Variants in ZNF587 observed in about 807,000 individuals in gnomAD.
ZNF587 encodes the protein zinc finger protein 587.
A neutral mutation model predicts 7.5 loss-of-function variants in ZNF587; 8 were observed. The observed-to-expected ratio is 1.06, with a 90% CI of 0.62 to 1.92. The LOEUF is 1.92. ZNF587 is among the 40% of genes most tolerant of loss of function. The pLI, the probability that ZNF587 is intolerant of heterozygous loss-of-function variation, is 0.00. For missense variants in ZNF587, 468 were observed against 692.8 expected, an observed-to-expected ratio of 0.68 and a Z score of 3.64; for synonymous variants, 145 against 237.8, an observed-to-expected ratio of 0.61 and a Z score of 3.59.
At chr19:57,856,327 G>A in intron 2 of ZNF587, 94 bp downstream of exon 2, 2 of 1,511,450 alleles carry the variant, frequency 1.3e-6, no homozygotes, top group Non-Finnish European at 8.8e-7. Context: ...TAAGGAGCCT[G>A]GACACAGGTT....
chr19:57,858,654 C>T lies in ZNF587; in HGVS notation c.242C>T (p.Thr81Ile). 6.4e-7 allele frequency: 1 copy of T among 1,561,094 alleles called. No individual in the cohort carries two copies. The highest frequency in any genetic ancestry group is 2.2e-5 in the East Asian group (1 of 44,450). ...GTACAAAGAGAGTCTCAGAGCAGGACTCCTAGGGCAGGTGTTTCTCCTAAG... is the reference window on the plus strand; with the variant it reads ...GTACAAAGAGAGTCTCAGAGCAGGATTCCTAGGGCAGGTGTTTCTCCTAAG... ...ISVQRESQSR[T>I]PRAGVSPKKA... is the part of the protein sequence containing the mutation. The change falls in exon 3 of 3, where the codon ACT becomes ATT. Residue 81 changes from threonine to isoleucine, a missense_variant. This residue lies in a region of ZNF587 where 23 missense variants were observed against 66.2 expected (regional missense o/e 0.35). Transcript: ENST00000339656.
rs117355226 is a variant in ZNF587 at position 57,853,273 on chromosome 19, A to G, written c.34-2831A>G. On this transcript the variant is annotated intron_variant, in intron 1 of 2. Transcript: ENST00000339656. ...CTGCTTCAGCTGAGATGACGTTGGT[A>G]TTGACATAATATTCACTGTGGATAT... 8.5e-4 allele frequency among the ~76,000 whole-genome samples: 129 copies of G among 152,320 alleles called. 2 individuals carry two copies. The East Asian group carries it at 0.025, about 29-fold the overall frequency.
chr19:57,858,986 G>T lies in ZNF587; in HGVS notation c.574G>T (p.Val192Leu). 1 of 1,612,712 alleles carries T rather than the reference G, an allele frequency of 6.2e-7. No homozygotes were observed. The highest frequency in any genetic ancestry group is 8.5e-7 in the Non-Finnish European group (1 of 1,179,606). ...SSGLCQEEAAVEKTDSETMHG... is the reference protein window; with the variant it reads ...SSGLCQEEAALEKTDSETMHG... ...AGGATTGTGCCAAGAAGAAGCTGCT[G>T]TAGAGAAGACAGACAGTGAAACTAT... Residue 192 changes from valine (V) to leucine (L), a missense_variant, in exon 3 of 3, where the codon GTA becomes TTA. Physicochemically the swap from Val to Leu is conservative, Grantham distance 32 (BLOSUM62 1). This residue lies in a region of ZNF587 where 23 missense variants were observed against 166.4 expected (regional missense o/e 0.14). Transcript: ENST00000339656.
intron 1 of ZNF587, among the ~76,000 whole-genome samples, chr19:57,853,137 G>C (rs1234784110): frequency 1.6e-4 from 24 of 152,188 alleles, no homozygotes; most frequent in Non-Finnish European, 3.2e-4. Context: ...ATAGGCACGA[G>C]CCACCATGCC....
chr19:57,854,581 C>G (rs1261359724), intron 1 of ZNF587, among the ~76,000 whole-genome samples: 1 of 151,366 alleles, frequency 6.6e-6, no homozygotes, highest in Non-Finnish European at 1.5e-5. Flanking sequence ...ATAATGTATC[C>G]TAGCCTAACA....
chr19:57,855,547 G>T (rs901207982), intron 1 of ZNF587, among the ~76,000 whole-genome samples: 1 of 151,352 alleles, frequency 6.6e-6, no homozygotes, highest in Non-Finnish European at 1.5e-5. Flanking sequence ...TGTTCAGAAG[G>T]GGGTGTGGGC....
intron 2 of ZNF587, chr19:57,858,122 C>CTTTTTTTTT (rs572536483): frequency 3.2e-5 from 4 of 123,510 alleles, no homozygotes; most frequent in African/African-American, 1.3e-4. Flanking sequence ...GAAGCCCCAT[C>CTTTTTTTTT]TTTTTTTTTT....
chr19:57,850,251 C>G (rs2071264375), intron 1 of ZNF587, 180 bp downstream of exon 1: 3 of 1,051,902 alleles, frequency 2.9e-6, no homozygotes, highest in Non-Finnish European at 2.8e-6. Context: ...GCTGCCTAGA[C>G]AGAGCCGATT....
rs2122378259 is a variant in ZNF587 at position 57,863,898 on chromosome 19, T to G, written c.*3758T>G. ...TCTCTACTAAAAATACAAAAATTAG[T>G]CGGGCATGGTGGCGGGTGCCTGTAG... On this transcript the variant is annotated 3_prime_UTR_variant, in exon 3 of 3. Transcript: ENST00000339656. The G allele has an allele frequency of 6.6e-6, 1 of 151,080 alleles. No homozygotes were observed. Among genetic ancestry groups the G allele is most frequent in the African/African-American group, 2.4e-5 (1 of 41,256 alleles). 9.4% of individuals were successfully genotyped at this position (151,080 alleles called of 1,614,324 possible).
Position 57,860,849 on chromosome 19 carries a change from TGATA to T in ZNF587, c.*713_*716del, listed in dbSNP as rs1045476234. On this transcript the variant is annotated 3_prime_UTR_variant, in exon 3 of 3. Transcript: ENST00000339656. ...GGTGGTGTGCAGTGCCTGAGTCACG[TGATA>T]GATTAAAGTACAACTCTTTTTTGAG... is the stretch of plus-strand genomic sequence containing the variant. 1 of 152,168 alleles carries T rather than the reference TGATA, an allele frequency of 6.6e-6. No homozygotes were observed. The highest frequency in any genetic ancestry group is 2.4e-5 in the African/African-American group (1 of 41,416). 9.4% of individuals were successfully genotyped at this position (152,168 alleles called of 1,614,324 possible).
intron 1 of ZNF587, chr19:57,855,896 G>GT: frequency 2.4e-6 from 2 of 839,802 alleles, no homozygotes; most frequent in South Asian, 1.9e-5. Context: ...CAGGACCTCA[G>GT]CATGGATACC....
At chr19:57,855,784 A>G (rs986045310) in intron 1 of ZNF587, among the ~76,000 whole-genome samples, 3 of 152,166 alleles carry the variant, frequency 2.0e-5, no homozygotes, top group African/African-American at 7.2e-5. Context: ...CATAGTCTCT[A>G]TCCCCTGACT....
chr19:57,862,187 A>AGATGC lies in ZNF587; in HGVS notation c.*2048_*2052dup, dbSNP rs932260566. 6 of 152,348 alleles carry AGATGC rather than the reference A, an allele frequency of 3.9e-5. No homozygotes were observed. Among genetic ancestry groups the AGATGC allele is most frequent in the Non-Finnish European group, 7.3e-5 (5 of 68,032 alleles). The allele number at this position is 152,348 out of a possible 1,614,324, so 9.4% of individuals were successfully genotyped here. On this transcript the variant is annotated 3_prime_UTR_variant, in exon 3 of 3. Transcript: ENST00000339656. ...AGATTGCCAGGCAGTGAAACAGTTA[A>AGATGC]GATGCCACCATAGCTTTCTTTTCAA... is the stretch of plus-strand genomic sequence containing the variant.
intron 1 of ZNF587, chr19:57,850,594 T>C (rs960104264): frequency 9.9e-6 from 4 of 402,200 alleles, no homozygotes; most frequent in South Asian, 2.4e-4. Context: ...ATCTTAGATA[T>C]TGGGGAAACC....
chr19:57,855,052 T>C (rs549517290), intron 1 of ZNF587, among the ~76,000 whole-genome samples: 9 of 150,862 alleles, frequency 6.0e-5, no homozygotes, highest in South Asian at 2.1e-4. Flanking sequence ...GCTGTGGTGG[T>C]GGGCACCTGT....
intron 2 of ZNF587, chr19:57,856,928 CTTCA>C (rs1223676564): frequency 6.6e-6 from 1 of 151,974 alleles, no homozygotes; most frequent in East Asian, 1.9e-4. Flanking sequence ...CAAGAATTGC[CTTCA>C]TTGACATTGT....
chr19:57,850,181 AAC>A (rs2071263074), intron 1 of ZNF587, 110 bp downstream of exon 1: 3 of 1,600,460 alleles, frequency 1.9e-6, no homozygotes, highest in Non-Finnish European at 2.6e-6. Flanking sequence ...CCGGCGTAGG[AAC>A]ACTGAGGCGC....
rs1447520075 is a variant in ZNF587, at chr19:57,861,287, T to G, written c.*1147T>G. On this transcript the variant is annotated 3_prime_UTR_variant, in exon 3 of 3. Coordinates refer to ENST00000339656, the MANE Select transcript of ZNF587 (RefSeq NM_032828.4). ...ATGGTTAGTATTTGAAATTGTTTAT[T>G]ATTTTAATAAGTGGTTATAACTTTT... 1 of 152,218 alleles carries G rather than the reference T, an allele frequency of 6.6e-6. No homozygotes were observed. The highest frequency in any genetic ancestry group is 1.5e-5 in the Non-Finnish European group (1 of 68,044). 9.4% of individuals were successfully genotyped at this position (152,218 alleles called of 1,614,324 possible).
At position 57,850,022 on chromosome 19, in the gene ZNF587, C is replaced by G; in HGVS notation, c.-17C>G. On this transcript the variant is annotated 5_prime_UTR_variant, in exon 1 of 3. Transcript: ENST00000339656. ...CGGCGACCACTGCTCCCGGGCCGTG[C>G]TTCCCCAAGTAGTCCGATGGCAGCG... 1 of 1,614,230 alleles carries G rather than the reference C, an allele frequency of 6.2e-7. No individual in the cohort carries two copies. The highest frequency in any genetic ancestry group is 8.5e-7 in the Non-Finnish European group (1 of 1,180,050).
Sources: allele counts gnomAD v4.1 joint callset (sites outside exome capture counted in the v4.1 genomes callset), GRCh38; gene constraint gnomAD v4.1.1; regional missense constraint gnomAD v4.1.1; transcripts MANE v1.5; gene names NCBI Gene and HGNC (gene_info 2026-07-23, HGNC 2026-07-21).